MZT2B: variants seen among roughly 807,000 people sequenced by gnomAD.
MZT2B encodes the protein mitotic spindle organizing protein 2B, also known as mitotic-spindle organizing protein 2B.
MZT2B carries 11 observed loss-of-function variants against 12.1 expected under a neutral mutation model. That is an observed-to-expected ratio of 0.91 (90% CI 0.57 to 1.50). The LOEUF is 1.50. Ranked by LOEUF, MZT2B falls within the 40% of genes most tolerant of loss-of-function variation. The pLI is 0.00. For missense variants in MZT2B, 209 were observed against 227.7 expected, an observed-to-expected ratio of 0.92 and a Z score of 0.53; for synonymous variants, 85 against 109.5, an observed-to-expected ratio of 0.78 and a Z score of 1.40.
chr2:130,190,591 G>A lies in MZT2B; in HGVS notation c.442G>A (p.Gly148Arg), dbSNP rs763175607. ...CGCTACCAGGCTGCCCAAGGGGGGC[G>A]GGCCTGGGAAGAGCCCTACACGGGG... is the stretch of plus-strand genomic sequence containing the variant. ...PSATRLPKGG[G>R]PGKSPTRGST Residue 148 changes from glycine (G) to arginine (R), a missense_variant, in exon 3 of 3, where the codon GGG (glycine) becomes AGG (arginine). By Grantham distance (125) the Gly-to-Arg change is moderately radical. Coordinates refer to ENST00000281871, the MANE Select transcript of MZT2B (RefSeq NM_025029.5). 55 of 1,612,956 alleles carry A rather than the reference G, an allele frequency of 3.4e-5. No homozygotes were observed. The highest frequency in any genetic ancestry group is 3.2e-4 in the Admixed American group (19 of 59,988).
intron 2 of MZT2B, chr2:130,183,532 A>T (rs1284624468): frequency 9.7e-6 from 6 of 616,062 alleles, no homozygotes; most frequent in African/African-American, 3.7e-5. Flanking sequence ...TCTGCTCCCG[A>T]TGGCTCTCTC....
Position 130,189,620 on chromosome 2 carries a change from A to G in MZT2B, c.320-849A>G, listed in dbSNP as rs575236795. On this transcript the variant is annotated intron_variant, in intron 2 of 2. Transcript: ENST00000281871. ...CTGTGACCCCACGGGCAAGCCTGCT[A>G]CCCGGGCACGTTTGTACCTTGGAGG... Among the ~76,000 whole-genome samples, 46 of 152,276 alleles carry G rather than the reference A, an allele frequency of 3.0e-4. No individual in the cohort carries two copies. The Middle Eastern group carries it at 0.01, about 34-fold the overall frequency.
chr2:130,194,885 C>T (rs148897699), downstream of MZT2B, among the ~76,000 whole-genome samples: 1,062 of 152,216 alleles, frequency 7.0e-3, 10 homozygotes, highest in African/African-American at 0.023. Flanking sequence ...ACCATGTAGG[C>T]CAGGCTGGTC....
At chr2:130,198,321 C>G in the MZT2B span, 1 of 1,353,068 alleles carries the variant, frequency 7.4e-7, no homozygotes, top group African/African-American at 1.5e-5. Context: ...CTTCGTCTGC[C>G]TGGGCATCTG....
chr2:130,183,264 G>A (rs1689864999), intron 2 of MZT2B: 2 of 266,956 alleles, frequency 7.5e-6, no homozygotes, highest in Non-Finnish European at 1.5e-5. Flanking sequence ...AAGTGCCCAG[G>A]GACCAGGGCA....
In MZT2B at chr2:130,183,061, A is replaced by T. The variant is rs553691750; in HGVS notation, c.319+286A>T. On this transcript the variant is annotated intron_variant, in intron 2 of 2. Coordinates refer to ENST00000281871, the MANE Select transcript of MZT2B (RefSeq NM_025029.5). ...ACCTCTTCACTCAGGCCTTCATCCT[A>T]CAACGTCGGGAATCAAGACAGTTTG... The T allele has an allele frequency of 1.7e-4, 93 of 553,906 alleles. 1 individual carries two copies. The South Asian group carries it at 2.0e-3, about 12-fold the overall frequency. The allele number at this position is 553,906 out of a possible 1,614,324, so 34.3% of individuals were successfully genotyped here.
chr2:130,190,437 A>G (rs1690221382), intron 2 of MZT2B, 32 bp from the exon 3 acceptor site: 1 of 1,607,880 alleles, frequency 6.2e-7, no homozygotes, highest in Non-Finnish European at 8.5e-7. Context: ...GGGCACGCCC[A>G]TTCCTAATCA....
intron 2 of MZT2B, among the ~76,000 whole-genome samples, chr2:130,186,775 A>G (rs1431320920): frequency 6.6e-6 from 1 of 152,112 alleles, no homozygotes; most frequent in Admixed American, 6.6e-5. Flanking sequence ...GCATGGTGGC[A>G]CACATCTGTA....
chr2:130,182,211 A>T, upstream of MZT2B: 3 of 1,236,522 alleles, frequency 2.4e-6, no homozygotes, highest in Non-Finnish European at 3.0e-6. Context: ...TTGACGCTGC[A>T]GGGAGAGGGT....
At chr2:130,186,089 C>G (rs1690050768) in intron 2 of MZT2B, among the ~76,000 whole-genome samples, 1 of 151,982 alleles carries the variant, frequency 6.6e-6, no homozygotes, top group South Asian at 2.1e-4. Flanking sequence ...CATCTGACCA[C>G]ACAGAGCTCC....
downstream of MZT2B, chr2:130,190,776 A>G: frequency 2.2e-6 from 3 of 1,375,194 alleles, no homozygotes; most frequent in Non-Finnish European, 2.8e-6. Context: ...ATATTAAGGC[A>G]CACTTAGAAT....
chr2:130,194,065 G>T (rs1052303), downstream of MZT2B: 5,584 of 1,604,036 alleles, frequency 3.5e-3, 39 homozygotes, highest in East Asian at 0.01. Flanking sequence ...GGTACGGCAC[G>T]AGGTTGGTCT....
chr2:130,204,043 C>A, the MZT2B span: 1 of 368,490 alleles, frequency 2.7e-6, no homozygotes, highest in Non-Finnish European at 5.2e-6. Context: ...TTTCTCCCAT[C>A]TGTGGCTTTA....
In MZT2B at chr2:130,189,450, A is replaced by T. The variant is rs1449361973; in HGVS notation, c.320-1019A>T. 2.0e-5 allele frequency among the ~76,000 whole-genome samples: 3 copies of T among 152,318 alleles called. No homozygotes were observed. The East Asian group carries it at 5.8e-4, about 29-fold the overall frequency. The stretch of plus-strand genomic sequence containing the variant: ...GAGTAGTCAAGGCACTTCCTCAGTC[A>T]GGACAAAGGAAACACTGGGGGGATG... On this transcript the variant is annotated intron_variant, in intron 2 of 2. Coordinates refer to ENST00000281871, the MANE Select transcript of MZT2B (RefSeq NM_025029.5).
downstream of MZT2B, among the ~76,000 whole-genome samples, chr2:130,195,694 C>G (rs1288291064): frequency 1.3e-5 from 2 of 152,206 alleles, no homozygotes; most frequent in African/African-American, 4.8e-5. Flanking sequence ...AAGGTGCTGC[C>G]TCTTTGTAGC....
the MZT2B span, among the ~76,000 whole-genome samples, chr2:130,201,559 G>A: frequency 6.6e-6 from 1 of 152,088 alleles, no homozygotes; most frequent in African/African-American, 2.4e-5. Flanking sequence ...GTCACATTGG[G>A]GATTAGAGCT....
downstream of MZT2B, among the ~76,000 whole-genome samples, chr2:130,191,411 C>G (rs975090455): frequency 6.6e-6 from 1 of 152,170 alleles, no homozygotes; most frequent in African/African-American, 2.4e-5. Context: ...TTAGAGACTT[C>G]ATGGACAAGC....
the MZT2B span, among the ~76,000 whole-genome samples, chr2:130,200,253 T>TA: frequency 6.6e-6 from 1 of 152,034 alleles, no homozygotes; most frequent in Non-Finnish European, 1.5e-5. Flanking sequence ...TAGCCGGGCA[T>TA]GGCTGCAGGT....
At chr2:130,185,868 C>T (rs10183618) in intron 2 of MZT2B, among the ~76,000 whole-genome samples, 51 of 152,132 alleles carry the variant, frequency 3.4e-4, no homozygotes, top group Non-Finnish European at 7.2e-4. Flanking sequence ...CTTGAGGGCT[C>T]TGTCCTGGAA....
Sources: allele counts gnomAD v4.1 joint callset (sites outside exome capture counted in the v4.1 genomes callset), GRCh38; gene constraint gnomAD v4.1.1; transcripts MANE v1.5; gene names NCBI Gene and HGNC (gene_info 2026-07-23, HGNC 2026-07-21).